AIG1: variants seen among roughly 807,000 people sequenced by gnomAD.
The protein encoded by AIG1 is androgen induced 1.
Under a neutral mutation model 31.4 loss-of-function variants are expected in AIG1, and 23 were observed. That is an observed-to-expected ratio of 0.73 (90% CI 0.53 to 1.04). The LOEUF (loss-of-function observed/expected upper bound fraction) is 1.04. Among genes scored for constraint, AIG1 ranks in the 50% least tolerant of loss-of-function variants. AIG1 has a pLI of 0.00. For synonymous variants in AIG1, 100 were observed against 110.5 expected, an observed-to-expected ratio of 0.90 and a Z score of 0.60; for missense variants, 274 against 295.0, an observed-to-expected ratio of 0.93 and a Z score of 0.52.
intron 1 of AIG1, among the ~76,000 whole-genome samples, chr6:143,124,830 A>G (rs1460387425): frequency 6.6e-6 from 1 of 152,094 alleles, no homozygotes; most frequent in African/African-American, 2.4e-5. Flanking sequence ...CTCACTCACT[A>G]TCACAAGAAC....
intron 3 of AIG1, among the ~76,000 whole-genome samples, chr6:143,198,608 G>A (rs1790447512): frequency 6.6e-6 from 1 of 152,220 alleles, no homozygotes; most frequent in African/African-American, 2.4e-5. Flanking sequence ...TCCTCATGAG[G>A]TCATCTAGGG....
intron 1 of AIG1, among the ~76,000 whole-genome samples, chr6:143,130,583 G>T (rs941603352): frequency 6.6e-6 from 1 of 151,992 alleles, no homozygotes; most frequent in African/African-American, 2.4e-5. Flanking sequence ...GCTGGGTGTG[G>T]TGGTGCGTGC....
At chr6:143,105,924 A>C (rs1164277465) in intron 1 of AIG1, among the ~76,000 whole-genome samples, 1 of 152,196 alleles carries the variant, frequency 6.6e-6, no homozygotes, top group Admixed American at 6.5e-5. Flanking sequence ...AGGATGCCCA[A>C]AGGTCTGGTG....
chr6:143,311,966 A>G (rs1775318092), intron 4 of AIG1, among the ~76,000 whole-genome samples: 1 of 152,062 alleles, frequency 6.6e-6, no homozygotes. Flanking sequence ...TACAATAGCT[A>G]CAAGGAAAAT....
At chr6:143,190,688 A>G in intron 3 of AIG1, 1 of 811,338 alleles carries the variant, frequency 1.2e-6, no homozygotes, top group African/African-American at 1.9e-5. Context: ...CTGTATTCTA[A>G]CATGATGGGA....
At chr6:143,129,992 A>T (rs1783068499) in intron 1 of AIG1, among the ~76,000 whole-genome samples, 1 of 145,590 alleles carries the variant, frequency 6.9e-6, no homozygotes, top group Non-Finnish European at 1.5e-5. Context: ...GTGCAGTGGC[A>T]TGATCCTGGC....
Position 143,326,612 on chromosome 6 carries a change from G to T in AIG1, c.516-6670G>T, listed in dbSNP as rs547818977. On this transcript the variant is annotated intron_variant, in intron 4 of 5. Coordinates refer to ENST00000357847, the MANE Select transcript of AIG1 (RefSeq NM_016108.4). This position sits in a 1 kb window ranked among gnomAD's most constrained non-coding sequence, Gnocchi z 4.5. ...GTATGAATAAAAGAGCTTTAAAAAT[G>T]AATGAGAGCCCTAGTTCTATAAGAA... 6.6e-6 allele frequency among the ~76,000 whole-genome samples: 1 copy of T among 152,148 alleles called. No individual in the cohort carries two copies. Among genetic ancestry groups the T allele is most frequent in the Non-Finnish European group, 1.5e-5 (1 of 68,022 alleles).
intron 3 of AIG1, among the ~76,000 whole-genome samples, chr6:143,247,448 T>G (rs963826801): frequency 2.0e-5 from 3 of 152,230 alleles, no homozygotes; most frequent in Non-Finnish European, 1.5e-5. Flanking sequence ...TTGCTGACTT[T>G]TAGTTTCCAG....
chr6:143,092,325 C>T (rs1181278612), intron 1 of AIG1, among the ~76,000 whole-genome samples: 2 of 140,674 alleles, frequency 1.4e-5, no homozygotes, highest in Non-Finnish European at 3.0e-5. Flanking sequence ...CACTTTGTTG[C>T]CCAGACTGAT....
chr6:143,060,154 C>G (rs1269731730), upstream of AIG1, among the ~76,000 whole-genome samples: 1 of 152,172 alleles, frequency 6.6e-6, no homozygotes, highest in African/African-American at 2.4e-5. Flanking sequence ...CATATTCTAG[C>G]TGATGTTATA....
intron 4 of AIG1, among the ~76,000 whole-genome samples, chr6:143,305,250 A>ATT (rs1799178446): frequency 6.6e-6 from 1 of 151,258 alleles, no homozygotes; most frequent in Non-Finnish European, 1.5e-5. Context: ...GATTTTAGTT[A>ATT]TCTTGCCTTC....
At chr6:143,208,818 C>T (rs1250918662) in intron 3 of AIG1, among the ~76,000 whole-genome samples, 1 of 151,946 alleles carries the variant, frequency 6.6e-6, no homozygotes, top group East Asian at 1.9e-4. Flanking sequence ...CTCCTAGGAT[C>T]CTTAAAAAAA....
At chr6:143,311,392 A>G (rs1474880567) in intron 4 of AIG1, among the ~76,000 whole-genome samples, 1 of 151,904 alleles carries the variant, frequency 6.6e-6, no homozygotes, top group Non-Finnish European at 1.5e-5. Flanking sequence ...TATTGCATGT[A>G]CCCCATAAAT....
At chr6:143,158,224 G>A (rs111640269) in intron 2 of AIG1, among the ~76,000 whole-genome samples, 6 of 152,292 alleles carry the variant, frequency 3.9e-5, no homozygotes, top group African/African-American at 1.4e-4. Flanking sequence ...TGCTCTGGCA[G>A]AGATGACACA....
intron 1 of AIG1, among the ~76,000 whole-genome samples, chr6:143,085,257 C>T (rs1377749650): frequency 6.6e-6 from 1 of 152,170 alleles, no homozygotes; most frequent in Non-Finnish European, 1.5e-5. Context: ...GAAAATAGAA[C>T]ATAGGGATGC....
intron 4 of AIG1, among the ~76,000 whole-genome samples, chr6:143,294,137 C>G (rs747031496): frequency 6.6e-6 from 1 of 152,176 alleles, no homozygotes; most frequent in African/African-American, 2.4e-5. Context: ...GCCTCATACC[C>G]TTCTACCTCT....
At chr6:143,189,444 T>C (rs1789587938) in intron 3 of AIG1, 1 of 982,212 alleles carries the variant, frequency 1.0e-6, no homozygotes, top group African/African-American at 1.7e-5. Context: ...AAATAGTTTT[T>C]TAATACAGTA....
At chr6:143,183,091 G>A (rs1183329285) in intron 3 of AIG1, among the ~76,000 whole-genome samples, 1 of 152,118 alleles carries the variant, frequency 6.6e-6, no homozygotes, top group Non-Finnish European at 1.5e-5. Flanking sequence ...ACACTGCAGA[G>A]CTACAGGTCA....
intron 3 of AIG1, among the ~76,000 whole-genome samples, chr6:143,194,682 C>G (rs1050235617): frequency 6.6e-6 from 1 of 152,128 alleles, no homozygotes; most frequent in Non-Finnish European, 1.5e-5. Flanking sequence ...TTGGGAGTCC[C>G]CCAAGATGCT....
Sources: gnomAD v4.1 joint callset for allele counts (sites outside exome capture counted in the v4.1 genomes callset) on GRCh38, gnomAD v4.1.1 for gene constraint, Gnocchi (gnomAD v3.1) non-coding constraint, MANE v1.5 for transcripts, NCBI Gene and HGNC (gene_info 2026-07-23, HGNC 2026-07-21) for gene names.